STK4: variants seen among roughly 807,000 people sequenced by gnomAD.
STK4 encodes serine/threonine-protein kinase 4.
In STK4, 30 loss-of-function variants were observed where a neutral mutation model predicts 64.9. The ratio of observed to expected loss-of-function variants is 0.46; its 90% confidence interval spans 0.35 to 0.63. STK4 has a LOEUF of 0.63. Ranked by LOEUF, STK4 falls within the 20% of genes least tolerant of loss-of-function variation. STK4 has a pLI of 0.01. For synonymous variants in STK4, 177 were observed against 199.0 expected (o/e 0.89, Z 0.93); for missense variants, 466 against 598.5 (o/e 0.78, Z 2.31).
intron 10 of STK4, among the ~76,000 whole-genome samples, chr20:45,046,062 C>G (rs1458753511): frequency 2.0e-5 from 3 of 152,112 alleles, no homozygotes; most frequent in Non-Finnish European, 4.4e-5. Flanking sequence ...CTGCCTCCGC[C>G]TCCCAAAGTG....
rs1385326779 is a variant in STK4 at position 45,077,111 on chromosome 20, T to G, written c.*1935T>G. 6.6e-6 allele frequency: 1 copy of G among 152,194 alleles called. No individual in the cohort carries two copies. Among genetic ancestry groups the G allele is most frequent in the African/African-American group, 2.4e-5 (1 of 41,434 alleles). The allele number at this position is 152,194 out of a possible 1,614,324, so 9.4% of individuals were successfully genotyped here. A position where few individuals can be genotyped will look rare whatever the true frequency, so the allele number is the denominator to read the frequency against. ...GAAGAAATAAGTTCAGAGAGAAAGA[T>G]TCCTTCCCAAGGTCATGCAGCTAGT... On this transcript the variant is annotated 3_prime_UTR_variant, in exon 11 of 11. Transcript: ENST00000372806.
At chr20:44,970,416 G>A (rs1229030616) in intron 1 of STK4, 1 of 151,910 alleles carries the variant, frequency 6.6e-6, no homozygotes, top group Non-Finnish European at 1.5e-5. Flanking sequence ...ATCTTCCTTT[G>A]TATAAGCTGT....
chr20:45,058,691 C>T (rs1024142084), intron 10 of STK4, among the ~76,000 whole-genome samples: 1 of 152,026 alleles, frequency 6.6e-6, no homozygotes, highest in Non-Finnish European at 1.5e-5. Flanking sequence ...AGACATAGCT[C>T]GCAGGGTTTC....
In STK4 at chr20:44,972,119, C is replaced by T. The variant is rs777881846; in HGVS notation, c.77C>T (p.Pro26Leu). The T allele has an allele frequency of 6.2e-7, 1 of 1,613,766 alleles. No individual in the cohort carries two copies. Among genetic ancestry groups the T allele is most frequent in the South Asian group, 1.1e-5 (1 of 91,038 alleles). The change falls in exon 2 of 11, where the codon CCA becomes CTA. Residue 26 changes from proline to leucine, a missense_variant. Physicochemically the swap from Pro to Leu is moderately conservative, Grantham distance 98. Coordinates refer to ENST00000372806, the MANE Select transcript of STK4 (RefSeq NM_006282.5). ...GATGAAGATAGTTTAACCAAACAAC[C>T]AGAAGAAGTATTTGATGTCTTAGAG... ...KLDEDSLTKQ[P>L]EEVFDVLEKL... is the part of the protein sequence containing the mutation.
intron 4 of STK4, among the ~76,000 whole-genome samples, chr20:44,984,098 G>GT (rs35985832): frequency 0.26 from 37,039 of 143,314 alleles, 5,293 homozygotes; most frequent in Middle Eastern, 0.43. Context: ...GGCACTTTTG[G>GT]TTTTTTTTTG....
intron 10 of STK4, among the ~76,000 whole-genome samples, chr20:45,040,914 AT>A (rs2068603369): frequency 6.6e-6 from 1 of 152,076 alleles, no homozygotes; most frequent in Admixed American, 6.6e-5. Context: ...ATAATTACTC[AT>A]TTGTTTTTCA....
intron 3 of STK4, among the ~76,000 whole-genome samples, chr20:44,981,531 A>G (rs1016650766): frequency 6.6e-6 from 1 of 152,188 alleles, no homozygotes; most frequent in African/African-American, 2.4e-5. Flanking sequence ...CACTTTTGTC[A>G]ATAGTGCTAT....
At chr20:44,981,966 G>A in intron 4 of STK4, 23 bp downstream of exon 4, 1 of 1,501,814 alleles carries the variant, frequency 6.7e-7, no homozygotes, top group Non-Finnish European at 9.3e-7. Flanking sequence ...TCTAGAACAT[G>A]CAACTGAGCT....
chr20:44,988,533 G>GTGTGTGTGTATATATA lies in STK4; in HGVS notation c.525+1238_525+1239insGTGTGTGTATATATAT, dbSNP rs1221720136. Among the ~76,000 whole-genome samples the GTGTGTGTGTATATATA allele has an allele frequency of 1.3e-3, 127 of 101,568 alleles. 2 individuals carry two copies. The highest frequency in any genetic ancestry group is 5.7e-3 in the African/African-American group (119 of 21,026). 66.6% of individuals were successfully genotyped at this position (101,568 alleles called of 152,430 possible). A position where few individuals can be genotyped will look rare whatever the true frequency, so the allele number is the denominator to read the frequency against. Reference sequence around the variant, plus strand: ...TGTGTGTGTATATATATGTGTGTGTGTATATATATATATATATATATATAT... The same window carrying GTGTGTGTGTATATATA: ...TGTGTGTGTATATATATGTGTGTGTGTGTGTGTGTATATATATATATATATATATATATATATATAT... On this transcript the variant is annotated intron_variant, in intron 5 of 10. Coordinates refer to ENST00000372806, the MANE Select transcript of STK4 (RefSeq NM_006282.5).
At chr20:45,027,452 AAGTT>A (rs2068372892) in intron 10 of STK4, among the ~76,000 whole-genome samples, 1 of 147,862 alleles carries the variant, frequency 6.8e-6, no homozygotes, top group Admixed American at 6.7e-5. Flanking sequence ...AAAAAAAAAG[AAGTT>A]AGCAATTTTG....
At chr20:44,987,080 CT>C (rs1203588316) in intron 4 of STK4, 51 bp from the exon 5 acceptor site, 2 of 1,439,304 alleles carry the variant, frequency 1.4e-6, no homozygotes, top group Non-Finnish European at 1.9e-6. Context: ...TCTCCTTTTT[CT>C]AATGCGCTGA....
At chr20:45,056,001 G>T (rs1419907892) in intron 10 of STK4, among the ~76,000 whole-genome samples, 3 of 152,128 alleles carry the variant, frequency 2.0e-5, no homozygotes, top group Non-Finnish European at 4.4e-5. Flanking sequence ...AAAGTGTTGG[G>T]ATTACCAGCG....
At chr20:45,024,455 G>T (rs535156655) in intron 9 of STK4, among the ~76,000 whole-genome samples, 16 of 152,030 alleles carry the variant, frequency 1.1e-4, no homozygotes, top group Non-Finnish European at 1.8e-4. Context: ...TGGATGAATT[G>T]TGATTTATTT....
At chr20:45,070,349 G>C (rs1362543006) in intron 10 of STK4, among the ~76,000 whole-genome samples, 1 of 152,284 alleles carries the variant, frequency 6.6e-6, no homozygotes, top group South Asian at 2.1e-4. Flanking sequence ...AAGGTAGATG[G>C]AGATGGAAAA....
chr20:45,073,993 C>T (rs571211899), intron 10 of STK4, among the ~76,000 whole-genome samples: 1 of 152,236 alleles, frequency 6.6e-6, no homozygotes, highest in Non-Finnish European at 1.5e-5. Context: ...ATGGCATCTG[C>T]AACAGGCAGA....
At chr20:45,072,378 G>T (rs1391574509) in intron 10 of STK4, among the ~76,000 whole-genome samples, 1 of 152,136 alleles carries the variant, frequency 6.6e-6, no homozygotes, top group Non-Finnish European at 1.5e-5. Context: ...CATCCTAGTG[G>T]CTAGATGAAA....
At chr20:44,995,629 A>AAT (rs1555809972) in intron 6 of STK4, among the ~76,000 whole-genome samples, 39 of 151,104 alleles carry the variant, frequency 2.6e-4, no homozygotes, top group African/African-American at 9.2e-4. Flanking sequence ...AAAAAAAAAA[A>AAT]GTTCAATGGC....
chr20:45,010,974 A>T (rs1395119527), intron 9 of STK4, among the ~76,000 whole-genome samples: 2 of 152,124 alleles, frequency 1.3e-5, no homozygotes, highest in Non-Finnish European at 2.9e-5. Context: ...GAGAGAAGGG[A>T]TTAAGGTGGG....
At chr20:44,976,949 GA>G (rs1175725062) in intron 2 of STK4, among the ~76,000 whole-genome samples, 2 of 152,180 alleles carry the variant, frequency 1.3e-5, no homozygotes, top group Non-Finnish European at 2.9e-5. Flanking sequence ...TACCAGGGAA[GA>G]AAGTCTTTCC....
Sources: allele counts gnomAD v4.1 joint callset (sites outside exome capture counted in the v4.1 genomes callset), GRCh38; gene constraint gnomAD v4.1.1; transcripts MANE v1.5; gene names NCBI Gene and HGNC (gene_info 2026-07-23, HGNC 2026-07-21).